The following FCAR variants were observed in gnomAD, a reference collection of about 807,000 sequenced individuals.
FCAR encodes immunoglobulin alpha Fc receptor.
FCAR carries 21 observed loss-of-function variants against 27.1 expected under a neutral mutation model. The ratio of observed to expected loss-of-function variants is 0.77; its 90% CI spans 0.55 to 1.11. The LOEUF is 1.11. Ranked by LOEUF, FCAR falls within the 50% of genes most tolerant of loss-of-function variation. The probability of loss-of-function intolerance (pLI) is 0.00; values close to 1 mark genes in which losing one functional copy is unlikely to be tolerated. For synonymous variants in FCAR, 134 were observed against 135.8 expected, an observed-to-expected ratio of 0.99 and a Z score of 0.09; for missense variants, 404 against 358.4, an observed-to-expected ratio of 1.13 and a Z score of -1.03.
intron 2 of FCAR, among the ~76,000 whole-genome samples, chr19:54,877,956 C>T (rs1009307017): frequency 4.1e-5 from 6 of 145,216 alleles, no homozygotes. Flanking sequence ...TGCTCTGTCG[C>T]CCAGGCTGGA....
intron 3 of FCAR, 36 bp from the exon 4 acceptor site, chr19:54,887,971 A>G: frequency 6.6e-7 from 1 of 1,518,328 alleles, no homozygotes; most frequent in Non-Finnish European, 8.9e-7. Context: ...TAAAGGAGAA[A>G]AGGTCTTTCT....
chr19:54,881,547 C>G (rs587757322), intron 2 of FCAR, among the ~76,000 whole-genome samples: 1 of 152,128 alleles, frequency 6.6e-6, no homozygotes, highest in South Asian at 2.1e-4. Context: ...AGACTGAGCT[C>G]CTCTCCGTAT....
intron 2 of FCAR, among the ~76,000 whole-genome samples, chr19:54,879,591 A>C (rs1419227791): frequency 6.6e-6 from 1 of 152,068 alleles, no homozygotes; most frequent in African/African-American, 2.4e-5. Flanking sequence ...TCTGGATTGT[A>C]GAGTTTCTGC....
chr19:54,888,470 A>G (rs1601957053), intron 4 of FCAR, 176 bp downstream of exon 4: 2 of 1,428,380 alleles, frequency 1.4e-6, no homozygotes, highest in South Asian at 3.1e-5. Context: ...CTTCCTCGCT[A>G]GAGTTCTCCA....
intron 2 of FCAR, among the ~76,000 whole-genome samples, chr19:54,881,390 A>AC (rs1394410306): frequency 6.6e-6 from 1 of 152,028 alleles, no homozygotes; most frequent in African/African-American, 2.4e-5. Flanking sequence ...CGGCAGAGTG[A>AC]CCTTCCGTTG....
At chr19:54,880,575 T>C (rs2066354826) in intron 2 of FCAR, among the ~76,000 whole-genome samples, 1 of 152,242 alleles carries the variant, frequency 6.6e-6, no homozygotes, top group South Asian at 2.1e-4. Flanking sequence ...AAAGAGCCCT[T>C]GCTGGGAAGC....
chr19:54,886,297 C>CTTTTTTTTTTTTTTTTTTTTTTT lies in FCAR; in HGVS notation c.361+775_361+776insTTTTTTTTTTTTTTTTTTTTTTT, dbSNP rs2066718728. Among the ~76,000 whole-genome samples the CTTTTTTTTTTTTTTTTTTTTTTT allele has an allele frequency of 2.5e-5, 2 of 80,088 alleles. 1 individual carries two copies. 52.5% of individuals were successfully genotyped at this position (80,088 alleles called of 152,430 possible). On this transcript the variant is annotated intron_variant, in intron 3 of 4. Transcript: ENST00000355524. ...CACATTGCATTCAGGTGTCATGTAT[C>CTTTTTTTTTTTTTTTTTTTTTTT]TTTATTTTTTTTTTTTTTTTTTTTT...
rs1169805429 is a variant in FCAR, at chr19:54,890,957, A to G, written c.*1094A>G. 6.6e-6 allele frequency: 1 copy of G among 152,188 alleles called. No individual in the cohort carries two copies. The highest frequency in any genetic ancestry group is 2.4e-5 in the African/African-American group (1 of 41,458). The allele number at this position is 152,188 out of a possible 1,614,324, so 9.4% of individuals were successfully genotyped here. ...AAAGTCATAATCCTACAGGAGGATT[A>G]CCCTATTTATTTCACAAACCCTATT... On this transcript the variant is annotated 3_prime_UTR_variant, in exon 5 of 5. Coordinates refer to ENST00000355524, the MANE Select transcript of FCAR (RefSeq NM_002000.4).
At chr19:54,876,731 A>G (rs1221619010) in intron 2 of FCAR, among the ~76,000 whole-genome samples, 1 of 152,174 alleles carries the variant, frequency 6.6e-6, no homozygotes, top group African/African-American at 2.4e-5. Flanking sequence ...CATCCTGGCT[A>G]ACACGGTGAA....
chr19:54,875,182 A>AG, intron 1 of FCAR, 148 bp from the exon 2 acceptor site: 1 of 649,430 alleles, frequency 1.5e-6, no homozygotes, highest in East Asian at 2.8e-5. Context: ...AAAAAAAAAA[A>AG]AAATGCCAGC....
intron 3 of FCAR, among the ~76,000 whole-genome samples, chr19:54,886,601 C>T (rs920243586): frequency 1.3e-5 from 2 of 151,934 alleles, no homozygotes; most frequent in East Asian, 2.0e-4. Context: ...CCACCACGCC[C>T]GGCCCCCGAA....
At position 54,885,245 on chromosome 19, in the gene FCAR, C is replaced by T. The variant is rs781067165; in HGVS notation, c.81C>T (p.Pro27=). The change falls in exon 3 of 5, where the codon CCC becomes CCT. Residue 27 remains proline, a synonymous_variant. Transcript: ENST00000355524. ...TTTCTTTTCTTCCAGGGGACTTTCCCATGCCTTTCATATCTGCCAAATCGA... is the reference window on the plus strand; with the variant it reads ...TTTCTTTTCTTCCAGGGGACTTTCCTATGCCTTTCATATCTGCCAAATCGA... ...QRIQAQEGDF[P]MPFISAKSSP... is the part of the protein sequence containing the mutation. 1.6e-5 allele frequency: 26 copies of T among 1,612,640 alleles called. No homozygotes were observed. The African/African-American group carries it at 3.1e-4, about 19-fold the overall frequency.
In FCAR at chr19:54,891,285, G is replaced by A. The variant is rs1001738478; in HGVS notation, c.*1422G>A. ...TGAAAATATAATTATAAAATGTAAG[G>A]GTCCTACTTCCAGTGAAACTGAAGG... On this transcript the variant is annotated 3_prime_UTR_variant, in exon 5 of 5. Coordinates refer to ENST00000355524, the MANE Select transcript of FCAR (RefSeq NM_002000.4). 4.6e-5 allele frequency: 7 copies of A among 151,868 alleles called. No homozygotes were observed. The highest frequency in any genetic ancestry group is 1.0e-4 in the Non-Finnish European group (7 of 68,000). The allele number at this position is 151,868 out of a possible 1,614,324, so 9.4% of individuals were successfully genotyped here. A position where few individuals can be genotyped will look rare whatever the true frequency, so the allele number is the denominator to read the frequency against.
At chr19:54,882,437 TTTTTTTTTTC>T (rs2066478554) in intron 2 of FCAR, among the ~76,000 whole-genome samples, 1 of 144,038 alleles carries the variant, frequency 6.9e-6, no homozygotes, top group Non-Finnish European at 1.5e-5. Context: ...TTTTTTTTTC[TTTTTTTTTTC>T]TTTTTTGTGG....
Position 54,885,297 on chromosome 19 carries a change from G to A in FCAR, c.133G>A (p.Val45Met), listed in dbSNP as rs1226687012. The change falls in exon 3 of 5, where the codon GTG (valine) becomes ATG (methionine). Residue 45 changes from valine to methionine, a missense_variant. By Grantham distance (21) the Val-to-Met change is conservative. Coordinates refer to ENST00000355524, the MANE Select transcript of FCAR (RefSeq NM_002000.4). ...SSPVIPLDGS[V>M]KIQCQAIREA... is the part of the protein sequence containing the mutation. ...TCCTGTGATTCCCTTGGATGGATCT[G>A]TGAAAATCCAGTGCCAGGCCATTCG... is the stretch of plus-strand genomic sequence containing the variant. 1.2e-6 allele frequency: 2 copies of A among 1,613,810 alleles called. No individual in the cohort carries two copies. Among genetic ancestry groups the A allele is most frequent in the African/African-American group, 2.7e-5 (2 of 74,888 alleles).
intron 3 of FCAR, 89 bp downstream of exon 3, chr19:54,885,614 C>A: frequency 7.8e-6 from 8 of 1,030,704 alleles, no homozygotes; most frequent in Admixed American, 5.6e-5. Flanking sequence ...GATTTACAAA[C>A]AAAAAAAAAT....
At chr19:54,881,553 C>G (rs1344258978) in intron 2 of FCAR, among the ~76,000 whole-genome samples, 1 of 151,998 alleles carries the variant, frequency 6.6e-6, no homozygotes, top group Non-Finnish European at 1.5e-5. Flanking sequence ...AGCTCCTCTC[C>G]GTATGGCGAC....
intron 2 of FCAR, among the ~76,000 whole-genome samples, chr19:54,879,014 G>A (rs2145853397): frequency 6.6e-6 from 1 of 151,120 alleles, no homozygotes; most frequent in Admixed American, 6.6e-5. Flanking sequence ...AAATAGCTGG[G>A]ATTACAGGTG....
At chr19:54,881,456 G>T (rs587738110) in intron 2 of FCAR, among the ~76,000 whole-genome samples, 17 of 152,238 alleles carry the variant, frequency 1.1e-4, no homozygotes, top group Non-Finnish European at 8.8e-5. Context: ...GGAACGCTCC[G>T]CCAGAGGGTG....
Sources: allele counts gnomAD v4.1 joint callset (sites outside exome capture counted in the v4.1 genomes callset), GRCh38; gene constraint gnomAD v4.1.1; transcripts MANE v1.5; gene names NCBI Gene and HGNC (gene_info 2026-07-23, HGNC 2026-07-21).